Variants in PRDM15 observed in about 807,000 individuals in gnomAD.
The protein encoded by PRDM15 is PR domain zinc finger protein 15.
In PRDM15, 64 loss-of-function variants were observed where a neutral mutation model predicts 128.6. The ratio of observed to expected loss-of-function variants is 0.50; its 90% CI spans 0.41 to 0.61. The LOEUF (loss-of-function observed/expected upper bound fraction) is 0.61, where lower values mean the gene tolerates loss of function less well. Among genes scored for constraint, PRDM15 ranks in the 20% least tolerant of loss-of-function variants. The pLI, the probability that PRDM15 is intolerant of heterozygous loss-of-function variation, is 0.00. For missense variants in PRDM15, 1,242 were observed against 1,569.1 expected (o/e 0.79, Z 3.52); for synonymous variants, 615 against 621.8 (o/e 0.99, Z 0.16).
Position 41,854,971 on chromosome 21 carries a change from A to G in PRDM15, c.286-153T>C, listed in dbSNP as rs2063536428. On this transcript the variant is annotated intron_variant, in intron 4 of 23. Coordinates refer to ENST00000398548, the MANE Select transcript of PRDM15 (RefSeq NM_001040424.3). The surrounding 1 kb of genome is among the most constrained non-coding windows in gnomAD (Gnocchi z 4.6). ...TGTACGGGATGTTGAGGTGTTTACAATAGTGAGGAGGGTCACAGGTAGACC... is the reference window on the plus strand; with the variant it reads ...TGTACGGGATGTTGAGGTGTTTACAGTAGTGAGGAGGGTCACAGGTAGACC... Among the ~76,000 whole-genome samples the G allele has an allele frequency of 6.6e-6, 1 of 152,246 alleles. No individual in the cohort carries two copies. The highest frequency in any genetic ancestry group is 1.5e-5 in the Non-Finnish European group (1 of 68,048).
chr21:41,806,473 C>T (rs1298827701), intron 21 of PRDM15, among the ~76,000 whole-genome samples: 3 of 100,168 alleles, frequency 3.0e-5, no homozygotes, highest in South Asian at 3.6e-4. Flanking sequence ...ACCACCAGCA[C>T]CACCCATTAC....
intron 10 of PRDM15, among the ~76,000 whole-genome samples, chr21:41,835,851 G>A (rs560587481): frequency 1.4e-4 from 21 of 150,810 alleles, no homozygotes; most frequent in Non-Finnish European, 2.7e-4. Context: ...GCCTTCACCC[G>A]CTCTCATCCC....
intron 21 of PRDM15, among the ~76,000 whole-genome samples, chr21:41,809,529 C>T (rs2061794466): frequency 1.3e-5 from 2 of 152,188 alleles, no homozygotes; most frequent in Admixed American, 1.3e-4. Context: ...CCGTGCCCGG[C>T]CCAGATTTTT....
chr21:41,874,295 A>G (rs2064321509), intron 1 of PRDM15, among the ~76,000 whole-genome samples: 1 of 151,856 alleles, frequency 6.6e-6, no homozygotes, highest in African/African-American at 2.4e-5. Flanking sequence ...GAATAGGCAG[A>G]GAGCAAAGCC....
In PRDM15 at chr21:41,847,705, C is replaced by G. The variant is rs865902615; in HGVS notation, c.539-514G>C. The stretch of plus-strand genomic sequence containing the variant: ...GACTGACGTGCTCCACAGCTGGTAT[C>G]CAGCAAGGCAGCCACTAACCAGATG... On this transcript the variant is annotated intron_variant, in intron 5 of 23. Coordinates refer to ENST00000398548, the MANE Select transcript of PRDM15 (RefSeq NM_001040424.3). Among the ~76,000 whole-genome samples, 10 of 152,286 alleles carry G rather than the reference C, an allele frequency of 6.6e-5. No homozygotes were observed. The Middle Eastern group carries it at 0.014, about 207-fold the overall frequency.
In PRDM15 at chr21:41,802,184, A is replaced by AT. The variant is rs1049575404; in HGVS notation, c.2944-463dup. ...AGGAACTTTTGCAGTCAAGATTACC[A>AT]TCCCCCAAAACAAGAGAGAGAAGTG... is the stretch of plus-strand genomic sequence containing the variant. On this transcript the variant is annotated intron_variant, in intron 23 of 23. Coordinates refer to ENST00000398548, the MANE Select transcript of PRDM15 (RefSeq NM_001040424.3). 3.9e-5 allele frequency among the ~76,000 whole-genome samples: 6 copies of AT among 152,334 alleles called. 1 individual carries two copies. In the South Asian group the frequency reaches 8.3e-4, roughly 21 times the overall value.
chr21:41,810,528 C>T lies in PRDM15; in HGVS notation c.2477-199G>A. ...GTCCCTTGGGGAGCACTGCCAGCAG[C>T]AGCTGCATCACGGAACCAATATGAG... On this transcript the variant is annotated intron_variant, in intron 20 of 23. Transcript: ENST00000398548. The surrounding 1 kb of genome is among the most constrained non-coding windows in gnomAD (Gnocchi z 6.4). 2 of 651,494 alleles carry T rather than the reference C, an allele frequency of 3.1e-6. No individual in the cohort carries two copies. Among genetic ancestry groups the T allele is most frequent in the Non-Finnish European group, 5.3e-6 (2 of 380,858 alleles). The allele number at this position is 651,494 out of a possible 1,614,324, so 40.4% of individuals were successfully genotyped here.
chr21:41,831,076 C>T (rs1299799593), intron 11 of PRDM15, among the ~76,000 whole-genome samples: 1 of 152,264 alleles, frequency 6.6e-6, no homozygotes, highest in Non-Finnish European at 1.5e-5. Context: ...AGCGGGGCAC[C>T]AGAGCAGACT....
intron 12 of PRDM15, 51 bp from the exon 13 acceptor site, chr21:41,826,105 G>A (rs756619202): frequency 1.3e-5 from 19 of 1,442,482 alleles, no homozygotes; most frequent in African/African-American, 9.8e-5. Context: ...TAGAACACGC[G>A]AAGGTCCATC....
At position 41,836,648 on chromosome 21, in the gene PRDM15, A is replaced by G; in HGVS notation, c.1003T>C (p.Phe335Leu). ...TTTDTSSVPK[F>L]THHQNNTITL... ...ATGGTGTTATTCTGATGATGGGTGA[A>G]CCTGCCCAGGGACGTCAATAAGTTG... Residue 335 changes from phenylalanine to leucine, a missense_variant and splice_region_variant, in exon 9 of 24, where the codon TTC becomes CTC. Physicochemically the swap from Phe to Leu is conservative, Grantham distance 22 (BLOSUM62 0). Coordinates refer to ENST00000398548, the MANE Select transcript of PRDM15 (RefSeq NM_001040424.3). The G allele has an allele frequency of 6.3e-7, 1 of 1,593,734 alleles. No homozygotes were observed. The highest frequency in any genetic ancestry group is 1.1e-5 in the South Asian group (1 of 90,068).
chr21:41,848,699 G>T (rs1293302074), intron 5 of PRDM15, among the ~76,000 whole-genome samples: 2 of 152,154 alleles, frequency 1.3e-5, no homozygotes. Flanking sequence ...AATCCACGTG[G>T]GCCATTGTCT....
At chr21:41,806,042 CCAT>C (rs1568879998) in intron 21 of PRDM15, among the ~76,000 whole-genome samples, 63 of 82,306 alleles carry the variant, frequency 7.7e-4, no homozygotes, top group African/African-American at 2.5e-3. Flanking sequence ...ATCACCACCA[CCAT>C]CACCACCACC....
Position 41,804,446 on chromosome 21 carries a change from T to A in PRDM15, c.2733+88A>T, listed in dbSNP as rs1293344410. On this transcript the variant is annotated intron_variant, in intron 22 of 23. Transcript: ENST00000398548. ...CACAGGCTTGCCCAGAGCTGCTCCC[T>A]CCCGGCCTGTCCAAGCCCCTCTGGT... 12 of 1,054,386 alleles carry A rather than the reference T, an allele frequency of 1.1e-5. No homozygotes were observed. The African/African-American group carries it at 1.6e-4, about 14-fold the overall frequency. 65.3% of individuals were successfully genotyped at this position (1,054,386 alleles called of 1,614,324 possible).
chr21:41,874,627 C>T (rs1394366462), intron 1 of PRDM15: 2 of 148,924 alleles, frequency 1.3e-5, no homozygotes, highest in Non-Finnish European at 3.0e-5. Context: ...AGTGAGTGGA[C>T]AGTTAAAAGT....
chr21:41,863,303 A>C (rs2063887217), intron 1 of PRDM15: 1 of 152,126 alleles, frequency 6.6e-6, no homozygotes, highest in Non-Finnish European at 1.5e-5. Context: ...GCTTGGGAAC[A>C]TTTCAGAAAT....
At chr21:41,878,245 G>A (rs889503437) in intron 1 of PRDM15, among the ~76,000 whole-genome samples, 7 of 152,170 alleles carry the variant, frequency 4.6e-5, no homozygotes, top group Admixed American at 3.3e-4. Context: ...AGTGTTGGTA[G>A]CTTTAAATAC....
chr21:41,876,980 C>G (rs557280046), intron 1 of PRDM15, among the ~76,000 whole-genome samples: 73 of 152,312 alleles, frequency 4.8e-4, no homozygotes, highest in Non-Finnish European at 7.2e-4. Context: ...ACAAGGCAGT[C>G]AGAAGAAAAT....
chr21:41,837,283 A>C (rs2062925954), intron 8 of PRDM15, among the ~76,000 whole-genome samples: 1 of 152,272 alleles, frequency 6.6e-6, no homozygotes, highest in Non-Finnish European at 1.5e-5. Flanking sequence ...TTACCACAGC[A>C]GCGTCACGAA....
chr21:41,848,668 T>C (rs942467714), intron 5 of PRDM15, among the ~76,000 whole-genome samples: 7 of 152,200 alleles, frequency 4.6e-5, no homozygotes, highest in Non-Finnish European at 7.3e-5. Flanking sequence ...CCACCACTTC[T>C]GAATAAGGGG....
Sources: allele counts gnomAD v4.1 joint callset (sites outside exome capture counted in the v4.1 genomes callset), GRCh38; gene constraint gnomAD v4.1.1; non-coding constraint Gnocchi (gnomAD v3.1); transcripts MANE v1.5; gene names NCBI Gene and HGNC (gene_info 2026-07-23, HGNC 2026-07-21).